CACNA2D2: variants seen among roughly 807,000 people sequenced by gnomAD.
CACNA2D2 encodes voltage-dependent calcium channel subunit alpha-2/delta-2.
Under a neutral mutation model 166.4 loss-of-function variants are expected in CACNA2D2, and 48 were observed. The observed-to-expected ratio is 0.29, with a 90% CI of 0.23 to 0.37. The LOEUF is 0.37. Among genes scored for constraint, CACNA2D2 ranks in the 10% least tolerant of loss-of-function variants. The pLI, the probability that CACNA2D2 is intolerant of heterozygous loss-of-function variation, is 1.00. For synonymous variants in CACNA2D2, 561 were observed against 573.7 expected (o/e 0.98, Z 0.32); for missense variants, 1,122 against 1,433.0 (o/e 0.78, Z 3.50).
intron 3 of CACNA2D2, among the ~76,000 whole-genome samples, chr3:50,425,108 A>C (rs949091047): frequency 6.6e-6 from 1 of 152,094 alleles, no homozygotes; most frequent in Admixed American, 6.5e-5. Flanking sequence ...AAGCTTGTGG[A>C]TATGCAGCTA....
chr3:50,486,866 C>T (rs1311244346), intron 1 of CACNA2D2, among the ~76,000 whole-genome samples: 2 of 152,206 alleles, frequency 1.3e-5, no homozygotes, highest in Non-Finnish European at 2.9e-5. Context: ...ACCAGACTGG[C>T]CTGCCCTGAC....
At chr3:50,371,269 GGCT>G (rs1704642556) in intron 22 of CACNA2D2, among the ~76,000 whole-genome samples, 1 of 152,180 alleles carries the variant, frequency 6.6e-6, no homozygotes, top group Non-Finnish European at 1.5e-5. Flanking sequence ...GAGGGCATAG[GGCT>G]GCTGTTGAGG....
At chr3:50,417,340 C>T (rs111243025) in intron 3 of CACNA2D2, among the ~76,000 whole-genome samples, 2,251 of 152,346 alleles carry the variant, frequency 0.015, 36 homozygotes, top group Middle Eastern at 0.058. Context: ...CACATGACAA[C>T]CCCCATGAGC....
chr3:50,491,138 C>T (rs539259175), intron 1 of CACNA2D2, among the ~76,000 whole-genome samples: 53 of 152,346 alleles, frequency 3.5e-4, no homozygotes, highest in East Asian at 1.4e-3. Context: ...TGCCCCTCCC[C>T]GTGCCCATCA....
At chr3:50,398,071 C>T (rs994741515) in intron 3 of CACNA2D2, among the ~76,000 whole-genome samples, 60 of 152,146 alleles carry the variant, frequency 3.9e-4, no homozygotes, top group African/African-American at 1.3e-3. Context: ...GGTTTGGGGA[C>T]AGGCTGGAAG....
At chr3:50,441,811 C>G (rs1361509423) in intron 2 of CACNA2D2, among the ~76,000 whole-genome samples, 1 of 152,240 alleles carries the variant, frequency 6.6e-6, no homozygotes. Flanking sequence ...CCACCCAGCT[C>G]CAAAATGAGA....
At chr3:50,404,915 AG>A (rs976554836) in intron 3 of CACNA2D2, among the ~76,000 whole-genome samples, 21 of 152,180 alleles carry the variant, frequency 1.4e-4, no homozygotes, top group Non-Finnish European at 1.5e-5. Context: ...GGTGCTAGGA[AG>A]CTCCCCTGCA....
At chr3:50,428,344 G>C (rs545064756) in intron 3 of CACNA2D2, among the ~76,000 whole-genome samples, 2 of 152,144 alleles carry the variant, frequency 1.3e-5, no homozygotes, top group South Asian at 4.2e-4. Flanking sequence ...GTGGGAGCTG[G>C]GTAGGATGGT....
At chr3:50,467,047 A>G (rs1389768263) in intron 2 of CACNA2D2, among the ~76,000 whole-genome samples, 1 of 152,134 alleles carries the variant, frequency 6.6e-6, no homozygotes, top group African/African-American at 2.4e-5. Flanking sequence ...GGACTTGAAG[A>G]AGCTGAGTGG....
intron 2 of CACNA2D2, among the ~76,000 whole-genome samples, chr3:50,463,447 C>T (rs551283981): frequency 1.1e-3 from 162 of 152,174 alleles, no homozygotes; most frequent in Non-Finnish European, 1.8e-3. Flanking sequence ...CACAGGTGCA[C>T]GCCACCACGC....
chr3:50,495,365 CA>C (rs1244541953), intron 1 of CACNA2D2, among the ~76,000 whole-genome samples: 1 of 152,198 alleles, frequency 6.6e-6, no homozygotes, highest in African/African-American at 2.4e-5. Context: ...TGGGCCATCG[CA>C]GCACTGACAA....
intron 1 of CACNA2D2, among the ~76,000 whole-genome samples, chr3:50,487,894 T>C (rs1390179444): frequency 1.3e-5 from 2 of 152,152 alleles, no homozygotes; most frequent in African/African-American, 4.8e-5. Flanking sequence ...GTACCTACTA[T>C]GGGCACCTGG....
At chr3:50,499,313 G>T (rs557706238) in intron 1 of CACNA2D2, among the ~76,000 whole-genome samples, 2 of 152,308 alleles carry the variant, frequency 1.3e-5, no homozygotes, top group African/African-American at 4.8e-5. Context: ...TAGCCCGTGG[G>T]AGCCCTGGAG....
rs773951673 is a variant in CACNA2D2 at position 50,365,205 on chromosome 3, C to A, written c.3099-21G>T. The A allele has an allele frequency of 1.2e-6, 2 of 1,610,600 alleles. No homozygotes were observed. Among genetic ancestry groups the A allele is most frequent in the African/African-American group, 1.3e-5 (1 of 74,942 alleles). ...ACAGCCTGCGGGCAGCCCGGAAAGG[C>A]GGGGCGTTGAGTTTGCCCCGCCCTG... On this transcript the variant is annotated intron_variant, in intron 35 of 37. Coordinates refer to ENST00000424201, the MANE Select transcript of CACNA2D2 (RefSeq NM_006030.4). The surrounding 1 kb of genome is among the most constrained non-coding windows in gnomAD (Gnocchi z 4.5).
chr3:50,399,380 G>C lies in CACNA2D2; in HGVS notation c.406-5212C>G, dbSNP rs149161704. On this transcript the variant is annotated intron_variant, in intron 3 of 37. Transcript: ENST00000424201. ...TCCCACTTCCCAGAGGACATGAGAGGCTTAGAAGAAAAGGCTCTGAACCCA... is the reference window on the plus strand; with the variant it reads ...TCCCACTTCCCAGAGGACATGAGAGCCTTAGAAGAAAAGGCTCTGAACCCA... Among the ~76,000 whole-genome samples the C allele has an allele frequency of 1.2e-4, 19 of 152,330 alleles. 1 individual carries two copies. The East Asian group carries it at 3.7e-3, about 29-fold the overall frequency.
At position 50,366,075 on chromosome 3, in the gene CACNA2D2, T is replaced by C. The variant is rs1704261369; in HGVS notation, c.2798A>G (p.Tyr933Cys). The C allele has an allele frequency of 3.7e-6, 6 of 1,613,682 alleles. No homozygotes were observed. Among genetic ancestry groups the C allele is most frequent in the South Asian group, 2.2e-5 (2 of 91,094 alleles). Residue 933 changes from tyrosine to cysteine, a missense_variant, in exon 32 of 38, where the codon TAT becomes TGT. Coordinates refer to ENST00000424201, the MANE Select transcript of CACNA2D2 (RefSeq NM_006030.4). The surrounding 1 kb of genome is among the most constrained non-coding windows in gnomAD (Gnocchi z 5.9). ...GGGCTGAGGGGCACAGGCTGCCTGATAGTCATAGGACTCCTTGCGGGTGTA... is the reference window on the plus strand; with the variant it reads ...GGGCTGAGGGGCACAGGCTGCCTGACAGTCATAGGACTCCTTGCGGGTGTA... The part of the protein sequence containing the change: ...SFYTRKESYD[Y>C]QAACAPQPPG...
intron 2 of CACNA2D2, among the ~76,000 whole-genome samples, chr3:50,435,933 T>TCCCTGGGC (rs1175346531): frequency 2.0e-5 from 3 of 152,164 alleles, no homozygotes; most frequent in African/African-American, 7.2e-5. Context: ...GCCAGGATGT[T>TCCCTGGGC]CCCTGGGCCC....
At chr3:50,399,738 G>C (rs1234579394) in intron 3 of CACNA2D2, among the ~76,000 whole-genome samples, 4 of 152,200 alleles carry the variant, frequency 2.6e-5, no homozygotes, top group African/African-American at 9.7e-5. Context: ...AGGTTCGCCT[G>C]GTGGTAAAGC....
rs376692155 is a variant in CACNA2D2 at position 50,376,084 on chromosome 3, C to A, written c.1701+30G>T. 1.9e-6 allele frequency: 3 copies of A among 1,613,210 alleles called. No individual in the cohort carries two copies. In the African/African-American group the frequency reaches 4.0e-5, roughly 22 times the overall value. On this transcript the variant is annotated intron_variant, in intron 18 of 37. Transcript: ENST00000424201. This position sits in a 1 kb window ranked among gnomAD's most constrained non-coding sequence, Gnocchi z 4.3. ...AGAAGTCCCCATTGTGGAAGGTTTGCCCACCCTCCAGGCCACCCGTCTGGC... is the reference window on the plus strand; with the variant it reads ...AGAAGTCCCCATTGTGGAAGGTTTGACCACCCTCCAGGCCACCCGTCTGGC...
Sources: allele counts gnomAD v4.1 joint callset (sites outside exome capture counted in the v4.1 genomes callset), GRCh38; gene constraint gnomAD v4.1.1; non-coding constraint Gnocchi (gnomAD v3.1); transcripts MANE v1.5; gene names NCBI Gene and HGNC (gene_info 2026-07-23, HGNC 2026-07-21).